INPP5D: variants seen among roughly 807,000 people sequenced by gnomAD.
The protein encoded by INPP5D is inositol polyphosphate-5-phosphatase D.
In INPP5D, 33 loss-of-function variants were observed where a neutral mutation model predicts 122.9. That is an observed-to-expected ratio of 0.27 (90% CI 0.20 to 0.36). The LOEUF (loss-of-function observed/expected upper bound fraction) is 0.36. Ranked by LOEUF, INPP5D falls within the 10% of genes least tolerant of loss-of-function variation. The pLI, the probability that INPP5D is intolerant of heterozygous loss-of-function variation, is 1.00. For missense variants in INPP5D, 1,053 were observed against 1,412.7 expected (o/e 0.75, Z 4.08); for synonymous variants, 584 against 576.2 (o/e 1.01, Z -0.19).
chr2:233,141,329 G>A (rs1693627529), intron 6 of INPP5D: 2 of 152,196 alleles, frequency 1.3e-5, no homozygotes, highest in African/African-American at 2.4e-5. Flanking sequence ...TACTTTGGGA[G>A]GCCGAAGCGG....
chr2:233,119,800 G>A (rs144918577), intron 2 of INPP5D, among the ~76,000 whole-genome samples: 102 of 152,288 alleles, frequency 6.7e-4, no homozygotes, highest in Non-Finnish European at 1.1e-3. Flanking sequence ...AAGGGCTCGG[G>A]AACAGGTCTG....
chr2:233,079,264 C>T, intron 1 of INPP5D, 71 bp from the exon 2 acceptor site: 1 of 957,366 alleles, frequency 1.0e-6, no homozygotes, highest in Non-Finnish European at 1.7e-6. Context: ...GTCAGGAAGT[C>T]TTGTCTTTTC....
At chr2:233,070,471 C>CT (rs1192582204) in intron 1 of INPP5D, among the ~76,000 whole-genome samples, 1 of 148,204 alleles carries the variant, frequency 6.7e-6, no homozygotes. Flanking sequence ...GATGGTGTCT[C>CT]TGTCTGTCAC....
intron 9 of INPP5D, among the ~76,000 whole-genome samples, chr2:233,155,263 C>CTTTTAG (rs1559323047): frequency 5.3e-5 from 8 of 152,022 alleles, no homozygotes; most frequent in Non-Finnish European, 1.2e-4. Context: ...TAGAAAAGCT[C>CTTTTAG]CGAAAAGGCA....
intron 10 of INPP5D, 49 bp from the exon 11 acceptor site, chr2:233,161,675 T>A: frequency 1.3e-6 from 2 of 1,566,760 alleles, no homozygotes; most frequent in Non-Finnish European, 8.7e-7. Context: ...AAGTGTAATG[T>A]GCAGGGAGGC....
At chr2:233,098,342 A>G (rs1205199428) in intron 2 of INPP5D, among the ~76,000 whole-genome samples, 1 of 152,110 alleles carries the variant, frequency 6.6e-6, no homozygotes, top group Non-Finnish European at 1.5e-5. Flanking sequence ...GAGCTGGAAA[A>G]CTTAGCCAGT....
chr2:233,163,653 T>C lies in INPP5D; in HGVS notation c.1241-54T>C. 7 of 1,610,998 alleles carry C rather than the reference T, an allele frequency of 4.3e-6. No individual in the cohort carries two copies. In the South Asian group the frequency reaches 7.7e-5, roughly 18 times the overall value. On this transcript the variant is annotated intron_variant, in intron 11 of 26. Transcript: ENST00000445964. ...CGCCCTCTGTTTTGAATTCTCCTAATGCTTTGACTCGATGTGCCTTTGACT... is the reference window on the plus strand; with the variant it reads ...CGCCCTCTGTTTTGAATTCTCCTAACGCTTTGACTCGATGTGCCTTTGACT...
At chr2:233,110,313 C>T (rs562989894) in intron 2 of INPP5D, among the ~76,000 whole-genome samples, 104 of 152,210 alleles carry the variant, frequency 6.8e-4, no homozygotes, top group African/African-American at 2.3e-3. Flanking sequence ...CCTCGGCCTC[C>T]CAAAGTGCTG....
intron 2 of INPP5D, among the ~76,000 whole-genome samples, chr2:233,089,697 G>C (rs1691941444): frequency 6.6e-6 from 1 of 152,242 alleles, no homozygotes; most frequent in South Asian, 2.1e-4. Context: ...TGACAGCTTA[G>C]AGATTCCCGG....
At chr2:233,139,703 G>A (rs1027858754) in intron 5 of INPP5D, 139 bp from the exon 6 acceptor site, 16 of 390,394 alleles carry the variant, frequency 4.1e-5, no homozygotes, top group African/African-American at 1.9e-4. Context: ...ATCTTTGCCC[G>A]GGCTTGTCCT....
rs373650820 is a variant in INPP5D, at chr2:233,163,713, C to G, written c.1247C>G (p.Ala416Gly). The change falls in exon 12 of 27, where the codon GCC (alanine) becomes GGC (glycine). Residue 416 changes from alanine (A) to glycine (G), a missense_variant. Ala to Gly is a moderately conservative substitution (Grantham distance 60). This residue lies in a region of INPP5D where 105 missense variants were observed against 199.8 expected (regional missense o/e 0.53). Transcript: ENST00000445964. ...IFIGTWNMGN[A>G]PPPKKITSWF... ...TTGGGTTTTGCTGTTGAAGGTAACGCCCCCCCTCCCAAGAAGATCACGTCC... is the reference window on the plus strand; with the variant it reads ...TTGGGTTTTGCTGTTGAAGGTAACGGCCCCCCTCCCAAGAAGATCACGTCC... The G allele has an allele frequency of 3.7e-6, 6 of 1,613,416 alleles. No homozygotes were observed. Among genetic ancestry groups the G allele is most frequent in the Middle Eastern group, 1.6e-4 (1 of 6,078 alleles).
At chr2:233,093,924 C>T (rs1692056207) in intron 2 of INPP5D, among the ~76,000 whole-genome samples, 1 of 152,104 alleles carries the variant, frequency 6.6e-6, no homozygotes, top group South Asian at 2.1e-4. Context: ...CTCCTGAGCA[C>T]CCTTCTTCTG....
intron 2 of INPP5D, among the ~76,000 whole-genome samples, chr2:233,113,085 C>T (rs996813952): frequency 6.6e-6 from 1 of 152,178 alleles, no homozygotes; most frequent in Non-Finnish European, 1.5e-5. Flanking sequence ...AGTGAGAAGC[C>T]TGGCTCCTGC....
chr2:233,073,627 C>T (rs991343928), intron 1 of INPP5D, among the ~76,000 whole-genome samples: 9 of 116,018 alleles, frequency 7.8e-5, no homozygotes, highest in African/African-American at 1.1e-4. Context: ...GCGACAAGAG[C>T]GAAACTCAAT....
At chr2:233,095,537 C>T (rs536144988) in intron 2 of INPP5D, among the ~76,000 whole-genome samples, 112 of 148,840 alleles carry the variant, frequency 7.5e-4, no homozygotes, top group African/African-American at 1.3e-3. Flanking sequence ...GCAGGAGAAT[C>T]GCCTGAACCT....
chr2:233,163,887 G>C lies in INPP5D; in HGVS notation c.1421G>C (p.Ser474Thr). Residue 474 changes from serine to threonine, a missense_variant, in exon 12 of 27, where the codon AGT becomes ACT. Around this residue, in one of 6 missense-constraint regions of INPP5D, gnomAD observed 105 missense variants for 199.8 expected, o/e 0.53. Transcript: ENST00000445964. ...AAACACTCCCTGCAAGAAATCACCA[G>C]TGTGACTTTTAAAACAGTGAGCAGC... ...ILKHSLQEITSVTFKTVAIHT... is the reference protein window; with the variant it reads ...ILKHSLQEITTVTFKTVAIHT... 6.2e-7 allele frequency: 1 copy of C among 1,613,862 alleles called. No homozygotes were observed. The highest frequency in any genetic ancestry group is 8.5e-7 in the Non-Finnish European group (1 of 1,179,838).
intron 6 of INPP5D, among the ~76,000 whole-genome samples, chr2:233,142,878 G>A (rs916792285): frequency 1.4e-3 from 209 of 152,136 alleles, no homozygotes; most frequent in African/African-American, 4.7e-3. Flanking sequence ...GTTCTCTGTC[G>A]TGGAGGACTC....
intron 6 of INPP5D, among the ~76,000 whole-genome samples, chr2:233,143,624 A>G (rs1693674473): frequency 6.6e-6 from 1 of 152,224 alleles, no homozygotes; most frequent in Non-Finnish European, 1.5e-5. Flanking sequence ...ATAACTAAAG[A>G]AGAATTGTAA....
Position 233,170,394 on chromosome 2 carries a change from C to T in INPP5D, c.1792-102C>T. 1 of 1,545,068 alleles carries T rather than the reference C, an allele frequency of 6.5e-7. No individual in the cohort carries two copies. The highest frequency in any genetic ancestry group is 1.2e-5 in the South Asian group (1 of 82,190). On this transcript the variant is annotated intron_variant, in intron 15 of 26. Coordinates refer to ENST00000445964, the MANE Select transcript of INPP5D (RefSeq NM_001017915.3). The surrounding 1 kb of genome is among the most constrained non-coding windows in gnomAD (Gnocchi z 4.5). ...TCACAGCCACCCTGCCACCATCACT[C>T]TGCAGCCCGGGTCATCCAGCTGCCC...
Sources: allele counts gnomAD v4.1 joint callset (sites outside exome capture counted in the v4.1 genomes callset), GRCh38; gene constraint gnomAD v4.1.1; regional missense constraint gnomAD v4.1.1; non-coding constraint Gnocchi (gnomAD v3.1); transcripts MANE v1.5; gene names NCBI Gene and HGNC (gene_info 2026-07-23, HGNC 2026-07-21).